EYS: variants seen among roughly 807,000 people sequenced by gnomAD.
The protein encoded by EYS is protein eyes shut homolog.
In EYS, 250 loss-of-function variants were observed where a neutral mutation model predicts 282.1. That is an observed-to-expected ratio of 0.89 (90% confidence interval 0.80 to 0.98). The LOEUF is 0.98. EYS is among the 50% of genes least tolerant of loss of function. The pLI, the probability that EYS is intolerant of heterozygous loss-of-function variation, is 0.00. For synonymous variants in EYS, 1,355 were observed against 1,282.9 expected (o/e 1.06, Z -1.20); for missense variants, 4,016 against 3,709.0 (o/e 1.08, Z -2.15).
chr6:65,493,634 T>C (rs544312661), intron 4 of EYS, among the ~76,000 whole-genome samples: 20 of 152,324 alleles, frequency 1.3e-4, no homozygotes, highest in African/African-American at 3.8e-4. Flanking sequence ...AGAGAGAGTT[T>C]TATTCCCTTC....
intron 24 of EYS, among the ~76,000 whole-genome samples, chr6:64,606,428 C>T (rs1242906531): frequency 6.6e-6 from 1 of 151,916 alleles, no homozygotes; most frequent in Non-Finnish European, 1.5e-5. Flanking sequence ...TTTTATACCT[C>T]TATCAACACA....
At chr6:64,902,353 T>C (rs894442598) in intron 17 of EYS, 51 bp downstream of exon 17, 8 of 1,342,570 alleles carry the variant, frequency 6.0e-6, no homozygotes, top group South Asian at 1.3e-5. Flanking sequence ...TATACCTGTA[T>C]ACATCTAGAC....
intron 29 of EYS, among the ~76,000 whole-genome samples, chr6:64,314,652 G>A (rs186439813): frequency 1.6e-3 from 247 of 152,196 alleles, no homozygotes; most frequent in Non-Finnish European, 2.0e-3. Flanking sequence ...ACAACTAAAG[G>A]AAACTGTACA....
intron 30 of EYS, among the ~76,000 whole-genome samples, chr6:64,268,130 G>A (rs979567588): frequency 6.6e-6 from 1 of 151,758 alleles, no homozygotes; most frequent in Non-Finnish European, 1.5e-5. Context: ...CATCATCATA[G>A]GAATGTAAAC....
At chr6:65,591,256 C>T (rs1765220663) in intron 2 of EYS, among the ~76,000 whole-genome samples, 1 of 151,964 alleles carries the variant, frequency 6.6e-6, no homozygotes, top group Non-Finnish European at 1.5e-5. Flanking sequence ...GGCTGGAATA[C>T]AGTGGTGCCA....
At chr6:64,079,048 A>C (rs557910357) in intron 32 of EYS, among the ~76,000 whole-genome samples, 2 of 152,256 alleles carry the variant, frequency 1.3e-5, no homozygotes, top group Non-Finnish European at 2.9e-5. Flanking sequence ...AAAAATTGCA[A>C]AGCTAGAAAA....
At chr6:63,991,218 T>A (rs1767589319) in intron 34 of EYS, among the ~76,000 whole-genome samples, 1 of 151,648 alleles carries the variant, frequency 6.6e-6, no homozygotes, top group South Asian at 2.1e-4. Context: ...GGAGAGGACC[T>A]CAGACTGACT....
intron 13 of EYS, among the ~76,000 whole-genome samples, chr6:65,051,371 T>C (rs1773263429): frequency 6.6e-6 from 1 of 151,562 alleles, no homozygotes; most frequent in Non-Finnish European, 1.5e-5. Context: ...ACAATTTAGT[T>C]TGATGCCAGT....
intron 2 of EYS, among the ~76,000 whole-genome samples, chr6:65,523,333 C>T (rs142549410): frequency 6.6e-5 from 10 of 152,076 alleles, no homozygotes; most frequent in Admixed American, 3.3e-4. Flanking sequence ...GACAGAATGG[C>T]GTACTATTCA....
At chr6:64,690,549 T>A (rs1562136818) in intron 22 of EYS, among the ~76,000 whole-genome samples, 1 of 152,186 alleles carries the variant, frequency 6.6e-6, no homozygotes, top group Non-Finnish European at 1.5e-5. Context: ...TGCGGCACTA[T>A]TCATGATAGC....
At chr6:65,348,946 A>G (rs1770499616) in intron 9 of EYS, among the ~76,000 whole-genome samples, 1 of 151,540 alleles carries the variant, frequency 6.6e-6, no homozygotes, top group Admixed American at 6.6e-5. Flanking sequence ...TTTACAAAGC[A>G]TTTCTCCAAC....
intron 22 of EYS, among the ~76,000 whole-genome samples, chr6:64,666,967 G>A (rs1769253661): frequency 6.6e-6 from 1 of 151,882 alleles, no homozygotes; most frequent in Admixed American, 6.6e-5. Flanking sequence ...AGATCAATGG[G>A]CAGACCAGAA....
At chr6:65,541,716 G>A (rs934886724) in intron 2 of EYS, among the ~76,000 whole-genome samples, 1 of 151,926 alleles carries the variant, frequency 6.6e-6, no homozygotes, top group African/African-American at 2.4e-5. Context: ...GTGGATAATA[G>A]TGTATTTATT....
intron 4 of EYS, 116 bp downstream of exon 4, chr6:65,494,547 C>A (rs1421357452): frequency 1.0e-6 from 1 of 966,692 alleles, no homozygotes. Context: ...TCCCAAAGTG[C>A]TGGGATTACA....
intron 26 of EYS, among the ~76,000 whole-genome samples, chr6:64,570,115 C>A (rs1387202310): frequency 6.6e-6 from 1 of 152,178 alleles, no homozygotes; most frequent in Non-Finnish European, 1.5e-5. Flanking sequence ...CCCTACAAGC[C>A]AGAAGAGAGT....
rs147565494 is a variant in EYS, at chr6:64,828,292, A to G, written c.2993-5470T>C. Among the ~76,000 whole-genome samples the G allele has an allele frequency of 5.8e-4, 88 of 152,010 alleles. No homozygotes were observed. The East Asian group carries it at 0.013, about 22-fold the overall frequency. On this transcript the variant is annotated intron_variant, in intron 19 of 42. Transcript: ENST00000503581. ...TATCAAAGTTTCTAACTGACTTGCA[A>G]CTGGAATCCCTAAAGTAAAAGGGAG... is the stretch of plus-strand genomic sequence containing the variant.
chr6:64,368,009 G>A (rs141778160), intron 29 of EYS, among the ~76,000 whole-genome samples: 558 of 152,152 alleles, frequency 3.7e-3, no homozygotes, highest in Middle Eastern at 6.8e-3. Context: ...ATTGTGTGTG[G>A]TGGGGGTTTG....
chr6:64,276,590 A>G (rs549151311), intron 30 of EYS, among the ~76,000 whole-genome samples: 2 of 152,266 alleles, frequency 1.3e-5, no homozygotes, highest in South Asian at 2.1e-4. Context: ...AAGCCACACT[A>G]TTGTTCTAAT....
intron 31 of EYS, among the ~76,000 whole-genome samples, chr6:64,188,503 G>T (rs559031213): frequency 6.6e-6 from 1 of 152,126 alleles, no homozygotes; most frequent in South Asian, 2.1e-4. Context: ...GATATATTAT[G>T]CTAAAAAGTG....
Sources: gnomAD v4.1 joint callset for allele counts (sites outside exome capture counted in the v4.1 genomes callset) on GRCh38, gnomAD v4.1.1 for gene constraint, MANE v1.5 for transcripts, NCBI Gene and HGNC (gene_info 2026-07-23, HGNC 2026-07-21) for gene names.